Variants in RNGTT observed in about 807,000 individuals in gnomAD.
RNGTT encodes the protein RNA guanylyltransferase and 5'-phosphatase, also known as mRNA-capping enzyme.
Under a neutral mutation model 79.3 loss-of-function variants are expected in RNGTT, and 33 were observed. The observed-to-expected ratio is 0.42, with a 90% CI of 0.32 to 0.56. RNGTT has a LOEUF of 0.56. RNGTT is among the 20% of genes least tolerant of loss of function. RNGTT has a pLI of 0.17. For synonymous variants in RNGTT, 222 were observed against 235.9 expected, an observed-to-expected ratio of 0.94 and a Z score of 0.54; for missense variants, 497 against 739.1, an observed-to-expected ratio of 0.67 and a Z score of 3.80.
chr6:88,704,799 A>G (rs959013193), intron 13 of RNGTT, among the ~76,000 whole-genome samples: 4 of 152,106 alleles, frequency 2.6e-5, no homozygotes, highest in Non-Finnish European at 4.4e-5. Flanking sequence ...ACAACAGGGG[A>G]GGAAAACTAG....
At chr6:88,958,974 T>A (rs1785524545) in intron 1 of RNGTT, among the ~76,000 whole-genome samples, 1 of 152,086 alleles carries the variant, frequency 6.6e-6, no homozygotes, top group Non-Finnish European at 1.5e-5. Flanking sequence ...CAAGAACCAA[T>A]GAGTGGATAA....
chr6:88,685,906 C>T (rs1775260357), intron 13 of RNGTT, among the ~76,000 whole-genome samples: 1 of 151,546 alleles, frequency 6.6e-6, no homozygotes, highest in African/African-American at 2.4e-5. Context: ...CCTTCTATCA[C>T]CATTTTTGTT....
At chr6:88,705,648 A>C (rs1052070877) in intron 13 of RNGTT, among the ~76,000 whole-genome samples, 7 of 152,150 alleles carry the variant, frequency 4.6e-5, no homozygotes, top group Admixed American at 6.5e-5. Context: ...AAAATTTTTA[A>C]ATGCTGTGGT....
chr6:88,771,350 T>TACACAC (rs71021396), intron 12 of RNGTT, among the ~76,000 whole-genome samples: 55 of 116,252 alleles, frequency 4.7e-4, no homozygotes, highest in African/African-American at 2.0e-3. Context: ...TATATATATA[T>TACACAC]ACACACACAC....
At chr6:88,684,859 GGGCCATGCATGTGTGGGGCA>G (rs2127792708) in intron 13 of RNGTT, among the ~76,000 whole-genome samples, 1 of 152,196 alleles carries the variant, frequency 6.6e-6, no homozygotes, top group South Asian at 2.1e-4. Flanking sequence ...TAGTGGGGGA[GGGCCATGCATGTGTGGGGCA>G]GGTAGCATAT....
chr6:88,921,597 A>AT (rs567358605), intron 4 of RNGTT, among the ~76,000 whole-genome samples: 12 of 149,784 alleles, frequency 8.0e-5, no homozygotes, highest in East Asian at 5.9e-4. Context: ...GTACTCTCAA[A>AT]TTTTTTTTTT....
chr6:88,696,601 T>TACACACAC lies in RNGTT; in HGVS notation c.1440-18190_1440-18183dup, dbSNP rs67058652. ...TGCAGGATGAACAGAAATCCTGAAG[T>TACACACAC]ACACACACACACACACACACACACA... On this transcript the variant is annotated intron_variant, in intron 13 of 15. Transcript: ENST00000369485. 7.7e-3 allele frequency among the ~76,000 whole-genome samples: 1,139 copies of TACACACAC among 147,564 alleles called. 4 individuals carry two copies. Among genetic ancestry groups the TACACACAC allele is most frequent in the Middle Eastern group, 0.024 (7 of 288 alleles).
chr6:88,957,530 A>C (rs1785474702), intron 1 of RNGTT, among the ~76,000 whole-genome samples: 1 of 152,256 alleles, frequency 6.6e-6, no homozygotes, highest in Non-Finnish European at 1.5e-5. Flanking sequence ...GTTTCAGGAT[A>C]CAAAATCAAC....
chr6:88,887,947 C>G (rs989379249), intron 8 of RNGTT, among the ~76,000 whole-genome samples: 20 of 152,208 alleles, frequency 1.3e-4, no homozygotes, highest in Admixed American at 8.5e-4. Flanking sequence ...AAGATCATAT[C>G]TCTACAGAAA....
In RNGTT at chr6:88,962,842, G is replaced by A. The variant is rs899350175; in HGVS notation, c.64+504C>T. Among the ~76,000 whole-genome samples, 5 of 151,928 alleles carry A rather than the reference G, an allele frequency of 3.3e-5. No homozygotes were observed. In the South Asian group the frequency reaches 8.3e-4, roughly 25 times the overall value. On this transcript the variant is annotated intron_variant, in intron 1 of 15. Transcript: ENST00000369485. ...GCTACTTGGGAGGCTGAGGTGGGAGGATCCCCAGCCCGAGCAAGAGACCCT... is the reference window on the plus strand; with the variant it reads ...GCTACTTGGGAGGCTGAGGTGGGAGAATCCCCAGCCCGAGCAAGAGACCCT...
intron 12 of RNGTT, among the ~76,000 whole-genome samples, chr6:88,772,122 T>A (rs1778705050): frequency 6.6e-6 from 1 of 152,074 alleles, no homozygotes; most frequent in Non-Finnish European, 1.5e-5. Flanking sequence ...AAGGCTATAG[T>A]GAGCCATGAT....
intron 14 of RNGTT, among the ~76,000 whole-genome samples, chr6:88,634,192 T>C (rs1773010666): frequency 6.6e-6 from 1 of 152,202 alleles, no homozygotes; most frequent in South Asian, 2.1e-4. Flanking sequence ...TCAAAGGTTT[T>C]ATAAATATTA....
At chr6:88,845,137 C>T (rs1317394868) in intron 10 of RNGTT, among the ~76,000 whole-genome samples, 2 of 151,304 alleles carry the variant, frequency 1.3e-5, no homozygotes, top group Admixed American at 1.3e-4. Context: ...AAAGTACAAG[C>T]GAGTAACACA....
intron 8 of RNGTT, among the ~76,000 whole-genome samples, chr6:88,884,676 TCAGAATATAAG>T (rs1158263437): frequency 2.0e-5 from 3 of 151,872 alleles, no homozygotes; most frequent in Admixed American, 2.0e-4. Context: ...GAGGGCAAAC[TCAGAATATAAG>T]CAGAAACAAA....
chr6:88,631,263 C>T (rs539192543), intron 14 of RNGTT, among the ~76,000 whole-genome samples: 39 of 152,294 alleles, frequency 2.6e-4, no homozygotes, highest in Non-Finnish European at 5.0e-4. Context: ...AGTTTAATTG[C>T]TACTGTCTCA....
At chr6:88,651,891 T>G (rs1025582066) in intron 14 of RNGTT, among the ~76,000 whole-genome samples, 1 of 152,090 alleles carries the variant, frequency 6.6e-6, no homozygotes, top group Non-Finnish European at 1.5e-5. Context: ...AAAATGTCAT[T>G]TTATGTCTGT....
intron 4 of RNGTT, among the ~76,000 whole-genome samples, chr6:88,924,063 TGGG>T (rs1197380878): frequency 1.3e-5 from 2 of 152,048 alleles, no homozygotes; most frequent in Non-Finnish European, 2.9e-5. Context: ...ACCTCAATGC[TGGG>T]GGGCTCCATC....
intron 10 of RNGTT, among the ~76,000 whole-genome samples, chr6:88,845,326 T>A (rs191133356): frequency 1.1e-4 from 17 of 152,324 alleles, no homozygotes; most frequent in African/African-American, 4.1e-4. Flanking sequence ...CTCCCTCAAA[T>A]ACACTTTCCC....
chr6:88,767,163 T>A (rs967177364), intron 13 of RNGTT, among the ~76,000 whole-genome samples: 1 of 152,120 alleles, frequency 6.6e-6, no homozygotes, highest in Non-Finnish European at 1.5e-5. Flanking sequence ...ATTACACAAA[T>A]AATGTACATA....
Sources: gnomAD v4.1 joint callset for allele counts (sites outside exome capture counted in the v4.1 genomes callset) on GRCh38, gnomAD v4.1.1 for gene constraint, MANE v1.5 for transcripts, NCBI Gene and HGNC (gene_info 2026-07-23, HGNC 2026-07-21) for gene names.